Variants in NODAL observed in about 807,000 individuals in gnomAD.
NODAL encodes the protein nodal homolog.
NODAL carries 12 observed loss-of-function variants against 34.0 expected under a neutral mutation model. The observed-to-expected ratio is 0.35, with a 90% CI of 0.23 to 0.57. The LOEUF is 0.57. Among genes scored for constraint, NODAL ranks in the 20% least tolerant of loss-of-function variants. The pLI is 0.83. For synonymous variants in NODAL, 162 were observed against 186.4 expected, an observed-to-expected ratio of 0.87 and a Z score of 1.07; for missense variants, 390 against 444.2, an observed-to-expected ratio of 0.88 and a Z score of 1.10.
At chr10:70,433,174 G>C (rs113057443) in intron 2 of NODAL, 86 bp from the exon 3 acceptor site, 29 of 1,525,786 alleles carry the variant, frequency 1.9e-5, no homozygotes, top group Middle Eastern at 3.4e-4. Flanking sequence ...AAAAAGTTAC[G>C]GAGTTAAAGT....
chr10:70,446,396 A>C (rs1012770800), upstream of NODAL, among the ~76,000 whole-genome samples: 1 of 152,174 alleles, frequency 6.6e-6, no homozygotes, highest in Non-Finnish European at 1.5e-5. Flanking sequence ...CTTCCTGCCT[A>C]GGGATATTAG....
At position 70,435,600 on chromosome 10, in the gene NODAL, G is replaced by C. The variant is rs139880537; in HGVS notation, c.577C>G (p.Leu193Val). 1.2e-6 allele frequency: 2 copies of C among 1,613,944 alleles called. No individual in the cohort carries two copies. The highest frequency in any genetic ancestry group is 1.7e-6 in the Non-Finnish European group (2 of 1,180,000). The change falls in exon 2 of 3, where the codon CTC becomes GTC. Residue 193 changes from leucine (L) to valine (V), a missense_variant. Leu to Val is a conservative substitution (Grantham distance 32). Coordinates refer to ENST00000287139, the MANE Select transcript of NODAL (RefSeq NM_018055.5). ...RPPTPPATNV[L>V]LMLYSNLSQE... Reference sequence around the variant, plus strand: ...GAGAGGTTGGAGTAGAGCATAAGGAGCACATTGGTGGCAGGCGGTGTGGGG... The same window carrying C: ...GAGAGGTTGGAGTAGAGCATAAGGACCACATTGGTGGCAGGCGGTGTGGGG...
At chr10:70,434,052 A>G (rs1054027995) in intron 2 of NODAL, among the ~76,000 whole-genome samples, 1 of 152,154 alleles carries the variant, frequency 6.6e-6, no homozygotes, top group Admixed American at 6.5e-5. Flanking sequence ...ACTCCCTTGC[A>G]TGACCTCAGC....
At chr10:70,436,069 C>T in intron 1 of NODAL, 86 bp from the exon 2 acceptor site, 1 of 1,126,510 alleles carries the variant, frequency 8.9e-7, no homozygotes, top group East Asian at 2.4e-5. Context: ...ATAGCTCTTG[C>T]TGGAGGCCTT....
In NODAL at chr10:70,432,823, A is replaced by T; in HGVS notation, c.*113T>A. 1 of 1,285,536 alleles carries T rather than the reference A, an allele frequency of 7.8e-7. No homozygotes were observed. The highest frequency in any genetic ancestry group is 2.3e-5 in the East Asian group (1 of 43,318). 79.6% of individuals were successfully genotyped at this position (1,285,536 alleles called of 1,614,324 possible). A position where few individuals can be genotyped will look rare whatever the true frequency, so the allele number is the denominator to read the frequency against. The stretch of plus-strand genomic sequence containing the variant: ...CCTCCTCTTCAGTTCTGGTGGGCAG[A>T]GCAACTTTGCCCCTCTCTGTTTCTC... On this transcript the variant is annotated 3_prime_UTR_variant, in exon 3 of 3. Coordinates refer to ENST00000287139, the MANE Select transcript of NODAL (RefSeq NM_018055.5).
rs1447259018 is a variant in NODAL, at chr10:70,435,736, G to A, written c.441C>T (p.Ser147=). The part of the protein sequence containing the change: ...FTVTLSQVTF[S]LGSMVLEVTR... Reference sequence around the variant, plus strand: ...TCACCTCCAAAACCATGCTGCCCAAGGAAAAGGTGACCTGGGACAAAGTGA... The same window carrying A: ...TCACCTCCAAAACCATGCTGCCCAAAGAAAAGGTGACCTGGGACAAAGTGA... The change falls in exon 2 of 3, where the codon TCC becomes TCT. Residue 147 remains serine, a synonymous_variant. Coordinates refer to ENST00000287139, the MANE Select transcript of NODAL (RefSeq NM_018055.5). The A allele has an allele frequency of 1.2e-5, 19 of 1,614,076 alleles. No individual in the cohort carries two copies. Among genetic ancestry groups the A allele is most frequent in the Non-Finnish European group, 1.6e-5 (19 of 1,180,044 alleles).
intron 1 of NODAL, among the ~76,000 whole-genome samples, chr10:70,440,116 G>T (rs911141754): frequency 6.6e-6 from 1 of 152,132 alleles, no homozygotes; most frequent in Non-Finnish European, 1.5e-5. Flanking sequence ...AGCTGAAAGA[G>T]AGCAGTCTCC....
chr10:70,439,661 G>A (rs1040468029), intron 1 of NODAL, among the ~76,000 whole-genome samples: 1 of 152,228 alleles, frequency 6.6e-6, no homozygotes, highest in African/African-American at 2.4e-5. Flanking sequence ...ACCCAAGATG[G>A]AAGGAGTGGG....
rs1244386912 is a variant in NODAL at position 70,435,277 on chromosome 10, G to A, written c.891+9C>T. The A allele has an allele frequency of 6.2e-7, 1 of 1,601,544 alleles. No individual in the cohort carries two copies. Among genetic ancestry groups the A allele is most frequent in the Non-Finnish European group, 8.5e-7 (1 of 1,173,626 alleles). On this transcript the variant is annotated intron_variant, in intron 2 of 2. Transcript: ENST00000287139. ...CTGCCTCCCCTCCCCCTCACGCCTG[G>A]CATCCCACCTGGATGTATGCATGGT...
At position 70,433,041 on chromosome 10, in the gene NODAL, A is replaced by G. The variant is rs1845289555; in HGVS notation, c.939T>C (p.Cys313=). 6.2e-7 allele frequency: 1 copy of G among 1,613,960 alleles called. No individual in the cohort carries two copies. The highest frequency in any genetic ancestry group is 2.2e-5 in the East Asian group (1 of 44,866). Residue 313 remains cysteine, a synonymous_variant, in exon 3 of 3, where the codon TGT becomes TGC. Coordinates refer to ENST00000287139, the MANE Select transcript of NODAL (RefSeq NM_018055.5). The part of the protein sequence containing the change: ...YQPHRVPSTC[C]APVKTKPLSM... ...TCAGCGGCTTGGTCTTCACTGGGGC[A>G]CAACAAGTGGAAGGGACTCGGTGGG...
intron 1 of NODAL, among the ~76,000 whole-genome samples, chr10:70,437,249 C>T (rs1463560806): frequency 6.6e-6 from 1 of 152,170 alleles, no homozygotes; most frequent in Non-Finnish European, 1.5e-5. Context: ...TCGAAACCAG[C>T]CTGACCAACA....
At position 70,432,941 on chromosome 10, in the gene NODAL, G is replaced by A. The variant is rs987421678; in HGVS notation, c.1039C>T (p.Leu347Phe). ...KDMIVEECGC[L>F] ...AGTCTCCCTCCAGGATGTCATCAGA[G>A]GCACCCACATTCTTCCACGATCATG... The change falls in exon 3 of 3, where the codon CTC (leucine) becomes TTC (phenylalanine). Residue 347 changes from leucine to phenylalanine, a missense_variant. Coordinates refer to ENST00000287139, the MANE Select transcript of NODAL (RefSeq NM_018055.5). The A allele has an allele frequency of 2.5e-6, 4 of 1,614,030 alleles. No homozygotes were observed. The highest frequency in any genetic ancestry group is 3.4e-6 in the Non-Finnish European group (4 of 1,180,042).
chr10:70,438,100 A>T (rs1409412794), intron 1 of NODAL, among the ~76,000 whole-genome samples: 1 of 151,922 alleles, frequency 6.6e-6, no homozygotes, highest in Admixed American at 6.6e-5. Flanking sequence ...GACCAGCCTG[A>T]TCAACATGGT....
chr10:70,436,074 G>C, intron 1 of NODAL, 91 bp from the exon 2 acceptor site: 1 of 1,075,518 alleles, frequency 9.3e-7, no homozygotes. Context: ...TCTTGCTGGA[G>C]GCCTTACCTT....
intron 1 of NODAL, among the ~76,000 whole-genome samples, chr10:70,437,274 C>A (rs1411035051): frequency 1.3e-5 from 2 of 152,122 alleles, no homozygotes; most frequent in Non-Finnish European, 2.9e-5. Context: ...GAAACCCCGT[C>A]TCTACTAAAA....
chr10:70,442,319 A>C (rs1465536062), upstream of NODAL, among the ~76,000 whole-genome samples: 1 of 152,238 alleles, frequency 6.6e-6, no homozygotes, highest in Non-Finnish European at 1.5e-5. Flanking sequence ...GATGGAGCCA[A>C]CGGGGTGATC....
chr10:70,434,503 C>T (rs186878198), intron 2 of NODAL, among the ~76,000 whole-genome samples: 1 of 152,332 alleles, frequency 6.6e-6, no homozygotes, highest in East Asian at 1.9e-4. Flanking sequence ...GCTGGGATTA[C>T]AGGCATGTGC....
chr10:70,437,801 A>C (rs1416402292), intron 1 of NODAL, among the ~76,000 whole-genome samples: 1 of 152,068 alleles, frequency 6.6e-6, no homozygotes, highest in Non-Finnish European at 1.5e-5. Context: ...TCTCAGCCTC[A>C]TGGCAGCTTC....
upstream of NODAL, among the ~76,000 whole-genome samples, chr10:70,443,842 A>G (rs577071572): frequency 1.3e-5 from 2 of 152,282 alleles, no homozygotes; most frequent in African/African-American, 4.8e-5. Flanking sequence ...TCCGTCTCAA[A>G]AAAATAAAAA....
Sources: allele counts gnomAD v4.1 joint callset (sites outside exome capture counted in the v4.1 genomes callset), GRCh38; gene constraint gnomAD v4.1.1; transcripts MANE v1.5; gene names NCBI Gene and HGNC (gene_info 2026-07-23, HGNC 2026-07-21).